The following DNAJC21 variants were observed in gnomAD, a reference collection of about 807,000 sequenced individuals.
The protein encoded by DNAJC21 is dnaJ homolog subfamily C member 21.
DNAJC21 carries 63 observed loss-of-function variants against 72.4 expected under a neutral mutation model. That is an observed-to-expected ratio of 0.87 (90% confidence interval 0.71 to 1.07). The LOEUF (loss-of-function observed/expected upper bound fraction) is 1.07. Among genes scored for constraint, DNAJC21 ranks in the 50% least tolerant of loss-of-function variants. The pLI, the probability that DNAJC21 is intolerant of heterozygous loss-of-function variation, is 0.00. For missense variants in DNAJC21, 634 were observed against 644.8 expected, an observed-to-expected ratio of 0.98 and a Z score of 0.18; for synonymous variants, 203 against 216.7, an observed-to-expected ratio of 0.94 and a Z score of 0.56.
Position 34,958,130 on chromosome 5 carries a change from C to T in DNAJC21, c.*3416C>T, listed in dbSNP as rs1276430881. On this transcript the variant is annotated 3_prime_UTR_variant, in exon 12 of 12. Transcript: ENST00000648817. ...TCCCAACTCAGTAGGCCTTCTGTTA[C>T]ACCTCAAAATGTGTTACATGGGAAG... 6.6e-6 allele frequency: 1 copy of T among 152,202 alleles called. No homozygotes were observed. The highest frequency in any genetic ancestry group is 6.5e-5 in the Admixed American group (1 of 15,280). The allele number at this position is 152,202 out of a possible 1,614,324, so 9.4% of individuals were successfully genotyped here. A position where few individuals can be genotyped will look rare whatever the true frequency, so the allele number is the denominator to read the frequency against.
At position 34,956,787 on chromosome 5, in the gene DNAJC21, T is replaced by G. The variant is rs1323724601; in HGVS notation, c.*2073T>G. On this transcript the variant is annotated 3_prime_UTR_variant, in exon 12 of 12. Transcript: ENST00000648817. The stretch of plus-strand genomic sequence containing the variant: ...TCAAGGGATCTTCATGGGTTGTGAC[T>G]GGAAGCTGACCTTAGTCTTGCGTCT... 1 of 152,230 alleles carries G rather than the reference T, an allele frequency of 6.6e-6. No individual in the cohort carries two copies. Among genetic ancestry groups the G allele is most frequent in the Non-Finnish European group, 1.5e-5 (1 of 68,048 alleles). The allele number at this position is 152,230 out of a possible 1,614,324, so 9.4% of individuals were successfully genotyped here.
At position 34,950,349 on chromosome 5, in the gene DNAJC21, CA is replaced by C. The variant is rs1164977799; in HGVS notation, c.1358+10del. The C allele has an allele frequency of 7.5e-6, 12 of 1,604,252 alleles. No homozygotes were observed. Among genetic ancestry groups the C allele is most frequent in the Non-Finnish European group, 1.0e-5 (12 of 1,176,474 alleles). ...CAAAAAGTGAAGCTAAAAGGTAAGT[CA>C]AAGTTGCATATTATTTGTAAATTAC... On this transcript the variant is annotated splice_region_variant and intron_variant, in intron 10 of 11. Coordinates refer to ENST00000648817, the MANE Select transcript of DNAJC21 (RefSeq NM_001012339.3).
rs1049730263 is a variant in DNAJC21, at chr5:34,950,453, A to G, written c.1358+111A>G. 13 of 1,457,456 alleles carry G rather than the reference A, an allele frequency of 8.9e-6. No individual in the cohort carries two copies. In the African/African-American group the frequency reaches 1.7e-4, roughly 19 times the overall value. 90.3% of individuals were successfully genotyped at this position (1,457,456 alleles called of 1,614,324 possible). A position where few individuals can be genotyped will look rare whatever the true frequency, so the allele number is the denominator to read the frequency against. On this transcript the variant is annotated intron_variant, in intron 10 of 11. Transcript: ENST00000648817. ...TCCCATGACTGACCAGGTAATTTAG[A>G]TGTATCTGTACATATTTATGTATAG... is the stretch of plus-strand genomic sequence containing the variant.
rs945512469 is a variant in DNAJC21 at position 34,957,226 on chromosome 5, T to C, written c.*2512T>C. On this transcript the variant is annotated 3_prime_UTR_variant, in exon 12 of 12. Transcript: ENST00000648817. ...AAATACATGGGCATGCATCTTACACTGATCTTATTAGAGGTCAGTGCTAAG... is the reference window on the plus strand; with the variant it reads ...AAATACATGGGCATGCATCTTACACCGATCTTATTAGAGGTCAGTGCTAAG... 1.3e-5 allele frequency: 2 copies of C among 152,230 alleles called. No individual in the cohort carries two copies. The highest frequency in any genetic ancestry group is 4.8e-5 in the African/African-American group (2 of 41,464). 9.4% of individuals were successfully genotyped at this position (152,230 alleles called of 1,614,324 possible).
chr5:34,952,900 C>A (rs1261369799), intron 10 of DNAJC21, among the ~76,000 whole-genome samples: 1 of 152,064 alleles, frequency 6.6e-6, no homozygotes, highest in African/African-American at 2.4e-5. Context: ...CTTATATTCC[C>A]AGCACTTTGG....
chr5:34,954,571 A>G lies in DNAJC21; in HGVS notation c.1453A>G (p.Thr485Ala), dbSNP rs1765477844. ...PQTMSVLISC[T>A]TCHSEFPSRN... ...TTCTCAGAGTGTTCTTATCAGCTGT[A>G]CAACCTGCCATAGTGAATTTCCATC... The change falls in exon 12 of 12, where the codon ACA becomes GCA. Residue 485 changes from threonine (T) to alanine (A), a missense_variant. By Grantham distance (58) the Thr-to-Ala change is moderately conservative. Transcript: ENST00000648817. The G allele has an allele frequency of 1.9e-6, 3 of 1,612,426 alleles. No individual in the cohort carries two copies. Among genetic ancestry groups the G allele is most frequent in the Non-Finnish European group, 2.5e-6 (3 of 1,179,472 alleles).
chr5:34,943,464 C>T (rs1220497687), intron 7 of DNAJC21, among the ~76,000 whole-genome samples: 1 of 152,176 alleles, frequency 6.6e-6, no homozygotes, highest in Admixed American at 6.5e-5. Context: ...CCTCATTTGT[C>T]GTGATAATTT....
In DNAJC21 at chr5:34,934,055, C is replaced by T. The variant is rs947192574; in HGVS notation, c.191+147C>T. The T allele has an allele frequency of 8.5e-5, 53 of 620,812 alleles. No homozygotes were observed. The Middle Eastern group carries it at 1.2e-3, about 14-fold the overall frequency. The allele number at this position is 620,812 out of a possible 1,614,324, so 38.5% of individuals were successfully genotyped here. ...CACCTAGTCATCACATAAAATCTAA[C>T]GTTTGGGTCAGAAGGAAGCTTGGAA... On this transcript the variant is annotated intron_variant, in intron 2 of 11. Coordinates refer to ENST00000648817, the MANE Select transcript of DNAJC21 (RefSeq NM_001012339.3).
At chr5:34,938,087 A>G (rs916054761) in intron 5 of DNAJC21, among the ~76,000 whole-genome samples, 13 of 152,158 alleles carry the variant, frequency 8.5e-5, no homozygotes, top group Non-Finnish European at 1.8e-4. Flanking sequence ...TATGAGCCAC[A>G]GTGCCTGGCC....
Position 34,935,742 on chromosome 5 carries a change from G to A in DNAJC21, c.224G>A (p.Gly75Asp). Residue 75 changes from glycine to aspartate, a missense_variant, in exon 3 of 12, where the codon GGT (glycine) becomes GAT (aspartate). Gly to Asp is a moderately conservative substitution (Grantham distance 94, BLOSUM62 -1). Coordinates refer to ENST00000648817, the MANE Select transcript of DNAJC21 (RefSeq NM_001012339.3). ...AATCATAGAGAGGCCCTACTTAAAGGTGGGTTTGATGGCGAATATCAAGAT... is the reference window on the plus strand; with the variant it reads ...AATCATAGAGAGGCCCTACTTAAAGATGGGTTTGATGGCGAATATCAAGAT... Reference protein sequence around the residue: ...YDNHREALLKGGFDGEYQDDS... With the variant: ...YDNHREALLKDGFDGEYQDDS... 2 of 1,613,958 alleles carry A rather than the reference G, an allele frequency of 1.2e-6. No individual in the cohort carries two copies. The highest frequency in any genetic ancestry group is 1.3e-5 in the African/African-American group (1 of 74,996).
intron 10 of DNAJC21, chr5:34,951,356 G>A (rs560566063): frequency 1.0e-6 from 1 of 985,386 alleles, no homozygotes; most frequent in Non-Finnish European, 1.2e-6. Context: ...CTATTGAGTA[G>A]AAAGGCTGAC....
Position 34,947,268 on chromosome 5 carries a change from C to CT in DNAJC21, c.1185+1466dup, listed in dbSNP as rs556777216. 2.1e-3 allele frequency among the ~76,000 whole-genome samples: 327 copies of CT among 152,284 alleles called. 4 individuals carry two copies. The highest frequency in any genetic ancestry group is 7.5e-3 in the African/African-American group (311 of 41,556). On this transcript the variant is annotated intron_variant, in intron 9 of 11. Coordinates refer to ENST00000648817, the MANE Select transcript of DNAJC21 (RefSeq NM_001012339.3). ...ATTCAAGTAACTCAAACATAGTACT[C>CT]TGACTGAATACCTTCCAAGGGATAT...
chr5:34,936,117 G>C (rs765149850), intron 3 of DNAJC21, 27 bp from the exon 4 acceptor site: 6 of 1,593,112 alleles, frequency 3.8e-6, no homozygotes, highest in Non-Finnish European at 5.1e-6. Context: ...AAAGTATTAA[G>C]AATTTGTTTT....
In DNAJC21 at chr5:34,955,766, A is replaced by T. The variant is rs1023751148; in HGVS notation, c.*1052A>T. On this transcript the variant is annotated 3_prime_UTR_variant, in exon 12 of 12. Coordinates refer to ENST00000648817, the MANE Select transcript of DNAJC21 (RefSeq NM_001012339.3). Reference sequence around the variant, plus strand: ...AGTTCTTTTCATTGGTCTTGAAAGTAATTTTGGCTGGTCGCGGTGGCTCAC... The same window carrying T: ...AGTTCTTTTCATTGGTCTTGAAAGTTATTTTGGCTGGTCGCGGTGGCTCAC... The T allele has an allele frequency of 6.6e-6, 1 of 152,146 alleles. No individual in the cohort carries two copies. Among genetic ancestry groups the T allele is most frequent in the Non-Finnish European group, 1.5e-5 (1 of 68,070 alleles). 9.4% of individuals were successfully genotyped at this position (152,146 alleles called of 1,614,324 possible).
Position 34,935,830 on chromosome 5 carries a change from A to C in DNAJC21, c.312A>C (p.Glu104Asp). 6.2e-7 allele frequency: 1 copy of C among 1,613,968 alleles called. No individual in the cohort carries two copies. Among genetic ancestry groups the C allele is most frequent in the South Asian group, 1.1e-5 (1 of 91,070 alleles). The change falls in exon 3 of 12, where the codon GAA becomes GAC. Residue 104 changes from glutamate (E) to aspartate (D), a missense_variant. Physicochemically the swap from Glu to Asp is conservative, Grantham distance 45. Transcript: ENST00000648817. Reference protein sequence around the residue: ...VTCYSGYGDDEKGFYTVYRNV... With the variant: ...VTCYSGYGDDDKGFYTVYRNV... Reference sequence around the variant, plus strand: ...GTTATTCTGGTTATGGAGATGATGAAAAGGTAAGATAAATGAACTCACCCT... The same window carrying C: ...GTTATTCTGGTTATGGAGATGATGACAAGGTAAGATAAATGAACTCACCCT...
chr5:34,951,808 G>A, intron 10 of DNAJC21: 1 of 985,644 alleles, frequency 1.0e-6, no homozygotes, highest in Non-Finnish European at 1.2e-6. Flanking sequence ...GCAGGTGTGA[G>A]CTACCGTGTC....
chr5:34,957,950 A>G lies in DNAJC21; in HGVS notation c.*3236A>G, dbSNP rs1561196839. 6.6e-6 allele frequency: 1 copy of G among 152,216 alleles called. No homozygotes were observed. Among genetic ancestry groups the G allele is most frequent in the Non-Finnish European group, 1.5e-5 (1 of 68,042 alleles). The allele number at this position is 152,216 out of a possible 1,614,324, so 9.4% of individuals were successfully genotyped here. A position where few individuals can be genotyped will look rare whatever the true frequency, so the allele number is the denominator to read the frequency against. Reference sequence around the variant, plus strand: ...CTGTTAAATTTAATGTCTTTATACTAAAAATATAGGCTCTTGGGATTGGAG... The same window carrying G: ...CTGTTAAATTTAATGTCTTTATACTGAAAATATAGGCTCTTGGGATTGGAG... On this transcript the variant is annotated 3_prime_UTR_variant, in exon 12 of 12. Coordinates refer to ENST00000648817, the MANE Select transcript of DNAJC21 (RefSeq NM_001012339.3).
intron 10 of DNAJC21, chr5:34,951,154 C>T: frequency 1.0e-6 from 1 of 985,398 alleles, no homozygotes; most frequent in Non-Finnish European, 1.2e-6. Flanking sequence ...GTGAGACCTA[C>T]AGTATGACTC....
intron 1 of DNAJC21, among the ~76,000 whole-genome samples, chr5:34,930,808 G>A (rs1764564817): frequency 6.6e-6 from 1 of 152,216 alleles, no homozygotes; most frequent in Admixed American, 6.5e-5. Flanking sequence ...GGGTCTTAGA[G>A]TCTTGTTAGG....
Sources: gnomAD v4.1 joint callset for allele counts (sites outside exome capture counted in the v4.1 genomes callset) on GRCh38, gnomAD v4.1.1 for gene constraint, MANE v1.5 for transcripts, NCBI Gene and HGNC (gene_info 2026-07-23, HGNC 2026-07-21) for gene names.